CDK14: variants seen among roughly 807,000 people sequenced by gnomAD.
CDK14 encodes the protein cyclin-dependent kinase 14.
CDK14 carries 34 observed loss-of-function variants against 60.7 expected under a neutral mutation model. The observed-to-expected ratio is 0.56, with a 90% CI of 0.43 to 0.75. The LOEUF (loss-of-function observed/expected upper bound fraction) is 0.75. Among genes scored for constraint, CDK14 ranks in the 30% least tolerant of loss-of-function variants. The pLI is 0.00. For missense variants in CDK14, 482 were observed against 564.1 expected (o/e 0.85, Z 1.47); for synonymous variants, 197 against 203.7 (o/e 0.97, Z 0.28).
In CDK14 at chr7:91,146,832, C is replaced by T. The variant is rs546960299; in HGVS notation, c.*28+28624C>T. ...TTCCATTTTTCCATGCTGAACAACC[C>T]GCATTTTCTACCTTCTTCCATCTGC... On this transcript the variant is annotated intron_variant, in intron 14 of 14. Transcript: ENST00000380050. Among the ~76,000 whole-genome samples the T allele has an allele frequency of 5.3e-5, 8 of 152,202 alleles. No homozygotes were observed. In the East Asian group the frequency reaches 9.7e-4, roughly 18 times the overall value.
At chr7:90,610,459 C>T (rs1799517317) in intron 2 of CDK14, among the ~76,000 whole-genome samples, 1 of 152,174 alleles carries the variant, frequency 6.6e-6, no homozygotes, top group Non-Finnish European at 1.5e-5. Context: ...TTCTTGCGAC[C>T]CTCCTCCACC....
intron 10 of CDK14, among the ~76,000 whole-genome samples, chr7:91,038,840 C>T (rs573420003): frequency 2.8e-4 from 42 of 152,280 alleles, no homozygotes; most frequent in African/African-American, 6.3e-4. Flanking sequence ...CTCTCTTTGC[C>T]GGCCACCATC....
intron 4 of CDK14, among the ~76,000 whole-genome samples, chr7:90,786,926 C>CAAA (rs34902431): frequency 2.1e-4 from 18 of 87,722 alleles, no homozygotes; most frequent in South Asian, 4.0e-4. Flanking sequence ...ACCCTGTCTC[C>CAAA]AAAAAAAAAA....
At position 90,899,295 on chromosome 7, in the gene CDK14, C is replaced by A; in HGVS notation, c.644C>A (p.Thr215Asn). The change falls in exon 7 of 15, where the codon ACT becomes AAT. Residue 215 changes from threonine to asparagine, a missense_variant. Transcript: ENST00000380050. Reference protein sequence around the residue: ...TLTLVFEYVHTDLCQYMDKHP... With the variant: ...TLTLVFEYVHNDLCQYMDKHP... ...ATTTTTCCTTTTCTTTTCTAGCACA[C>A]TGATTTATGTCAGTACATGGACAAG... The A allele has an allele frequency of 6.2e-7, 1 of 1,600,040 alleles. No individual in the cohort carries two copies. The highest frequency in any genetic ancestry group is 8.5e-7 in the Non-Finnish European group (1 of 1,173,930).
chr7:90,636,986 T>C (rs1202587902), intron 2 of CDK14, among the ~76,000 whole-genome samples: 1 of 151,800 alleles, frequency 6.6e-6, no homozygotes, highest in East Asian at 1.9e-4. Flanking sequence ...TGATATCCCC[T>C]TTATCATTTT....
At chr7:90,936,079 G>A (rs1033204325) in intron 8 of CDK14, among the ~76,000 whole-genome samples, 14 of 151,556 alleles carry the variant, frequency 9.2e-5, no homozygotes, top group African/African-American at 3.4e-4. Flanking sequence ...GAAGAAAATA[G>A]ACATTGCTAT....
chr7:90,651,946 A>G (rs531085273), intron 2 of CDK14, among the ~76,000 whole-genome samples: 22 of 152,282 alleles, frequency 1.4e-4, no homozygotes, highest in African/African-American at 5.3e-4. Flanking sequence ...CATACACTGT[A>G]TAATTTTGGC....
chr7:90,971,020 C>T (rs572445626), intron 9 of CDK14, among the ~76,000 whole-genome samples: 1 of 152,150 alleles, frequency 6.6e-6, no homozygotes, highest in African/African-American at 2.4e-5. Flanking sequence ...ATGTTGCGCT[C>T]ATCAACTCGT....
intron 2 of CDK14, among the ~76,000 whole-genome samples, chr7:90,680,326 A>G (rs1013237369): frequency 6.6e-6 from 1 of 152,210 alleles, no homozygotes; most frequent in African/African-American, 2.4e-5. Context: ...AGCTTCTAGT[A>G]TCTGATTTAA....
intron 5 of CDK14, among the ~76,000 whole-genome samples, chr7:90,817,093 C>T (rs1789383133): frequency 6.6e-6 from 1 of 152,156 alleles, no homozygotes; most frequent in African/African-American, 2.4e-5. Flanking sequence ...TTTATATTTT[C>T]TCCTGACATT....
chr7:90,619,852 C>A (rs1439946669), intron 2 of CDK14, among the ~76,000 whole-genome samples: 1 of 152,152 alleles, frequency 6.6e-6, no homozygotes, highest in South Asian at 2.1e-4. Context: ...CAAAAGTTAG[C>A]TGGTGTGGTG....
chr7:90,927,464 A>T (rs1793453237), intron 8 of CDK14, among the ~76,000 whole-genome samples: 1 of 152,210 alleles, frequency 6.6e-6, no homozygotes, highest in Admixed American at 6.5e-5. Context: ...CTGTGCCAGG[A>T]TGAAGACCTG....
intron 14 of CDK14, among the ~76,000 whole-genome samples, chr7:91,193,871 T>C (rs1802450798): frequency 6.6e-6 from 1 of 152,208 alleles, no homozygotes; most frequent in African/African-American, 2.4e-5. Context: ...CTCACAGTTT[T>C]ATGTGGAGGT....
At chr7:90,709,430 G>A in intron 2 of CDK14, 1 of 1,471,276 alleles carries the variant, frequency 6.8e-7, no homozygotes, top group Non-Finnish European at 9.0e-7. Flanking sequence ...TTCCTCCTAT[G>A]CAATCACCAT....
At chr7:91,133,739 T>C (rs1374612954) in intron 14 of CDK14, among the ~76,000 whole-genome samples, 1 of 152,198 alleles carries the variant, frequency 6.6e-6, no homozygotes, top group Non-Finnish European at 1.5e-5. Context: ...TTTACATTTT[T>C]ATAGCCATAT....
At chr7:91,206,749 T>C (rs994208029) in intron 14 of CDK14, among the ~76,000 whole-genome samples, 2 of 152,208 alleles carry the variant, frequency 1.3e-5, no homozygotes, top group African/African-American at 4.8e-5. Context: ...AGCGTGTTTG[T>C]GATCCGTTTT....
At chr7:91,019,304 T>A (rs1338807826) in intron 10 of CDK14, among the ~76,000 whole-genome samples, 1 of 152,152 alleles carries the variant, frequency 6.6e-6, no homozygotes, top group Non-Finnish European at 1.5e-5. Flanking sequence ...TGGGACTACT[T>A]CTTTCATGTC....
chr7:91,198,693 G>T (rs1802626614), intron 14 of CDK14, among the ~76,000 whole-genome samples: 1 of 152,158 alleles, frequency 6.6e-6, no homozygotes, highest in Non-Finnish European at 1.5e-5. Context: ...TTATGCTACA[G>T]AAATGAATAT....
At chr7:90,993,550 A>G (rs1795594124) in intron 10 of CDK14, among the ~76,000 whole-genome samples, 1 of 152,012 alleles carries the variant, frequency 6.6e-6, no homozygotes, top group East Asian at 1.9e-4. Flanking sequence ...ACATTTCAAT[A>G]AATGTTTTAG....
Sources: allele counts gnomAD v4.1 joint callset (sites outside exome capture counted in the v4.1 genomes callset), GRCh38; gene constraint gnomAD v4.1.1; transcripts MANE v1.5; gene names NCBI Gene and HGNC (gene_info 2026-07-23, HGNC 2026-07-21).